HECTD4: variants seen among roughly 807,000 people sequenced by gnomAD.
HECTD4 encodes HECT domain E3 ubiquitin protein ligase 4.
In HECTD4, 114 loss-of-function variants were observed where a neutral mutation model predicts 471.5. The ratio of observed to expected loss-of-function variants is 0.24; its 90% CI spans 0.21 to 0.28. The LOEUF is 0.28. HECTD4 is among the 10% of genes least tolerant of loss of function. HECTD4 has a pLI of 1.00. For synonymous variants in HECTD4, 2,012 were observed against 2,256.0 expected, an observed-to-expected ratio of 0.89 and a Z score of 3.07; for missense variants, 3,866 against 5,651.5, an observed-to-expected ratio of 0.68 and a Z score of 10.13.
At chr12:112,342,052 T>A (rs560897849) in intron 1 of HECTD4, among the ~76,000 whole-genome samples, 3 of 152,256 alleles carry the variant, frequency 2.0e-5, no homozygotes, top group African/African-American at 7.2e-5. Flanking sequence ...CTTTTTGATA[T>A]ATGAAATGAT....
In HECTD4 at chr12:112,167,764, C is replaced by T. The variant is rs570585648; in HGVS notation, c.12312+50G>A. The stretch of plus-strand genomic sequence containing the variant: ...ACACTGCCCGCCACCCCAGCCACTG[C>T]GCAGGACATGAGCTCGGGGGCGTGG... On this transcript the variant is annotated intron_variant, in intron 71 of 75. Coordinates refer to ENST00000682272, the MANE Select transcript of HECTD4 (RefSeq NM_001388303.1). 282 of 1,500,100 alleles carry T rather than the reference C, an allele frequency of 1.9e-4. 1 individual carries two copies. In the Admixed American group the frequency reaches 3.2e-3, roughly 17 times the overall value. 92.9% of individuals were successfully genotyped at this position (1,500,100 alleles called of 1,614,324 possible). A position where few individuals can be genotyped will look rare whatever the true frequency, so the allele number is the denominator to read the frequency against.
intron 7 of HECTD4, among the ~76,000 whole-genome samples, chr12:112,295,158 A>G (rs185988165): frequency 1.5e-5 from 2 of 132,426 alleles, no homozygotes; most frequent in African/African-American, 3.2e-5. Flanking sequence ...AAGAGAGAGA[A>G]ACAAAAATCC....
intron 39 of HECTD4, chr12:112,231,049 AT>A (rs2033366278): frequency 2.0e-6 from 1 of 511,876 alleles, no homozygotes; most frequent in South Asian, 3.0e-5. Flanking sequence ...CTCAAACTTT[AT>A]TTATAAGCCA....
At chr12:112,206,954 T>A (rs2032604873) in intron 52 of HECTD4, among the ~76,000 whole-genome samples, 1 of 152,128 alleles carries the variant, frequency 6.6e-6, no homozygotes, top group Non-Finnish European at 1.5e-5. Flanking sequence ...TTTAAAAGGG[T>A]GCTGTGATTA....
At chr12:112,283,944 T>C (rs1245912407) in intron 7 of HECTD4, among the ~76,000 whole-genome samples, 1 of 151,666 alleles carries the variant, frequency 6.6e-6, no homozygotes. Flanking sequence ...CACCTGGTTT[T>C]CTTCTTTCTT....
rs751226735 is a variant in HECTD4, at chr12:112,185,078, CGAG to C, written c.9885_9887del (p.Ser3298del). The stretch of plus-strand genomic sequence containing the variant: ...TCTGTGGGGTCTGTCCTGGGGAGGA[CGAG>C]GAGGAGGAGGACGAGTCACTGAGAT... On this transcript the variant is annotated inframe_deletion, in exon 61 of 76. Transcript: ENST00000682272. The C allele has an allele frequency of 3.5e-5, 55 of 1,579,616 alleles. No individual in the cohort carries two copies. The highest frequency in any genetic ancestry group is 9.3e-5 in the Admixed American group (5 of 53,942).
chr12:112,165,687 C>A (rs2030924581), intron 72 of HECTD4, among the ~76,000 whole-genome samples: 1 of 152,188 alleles, frequency 6.6e-6, no homozygotes, highest in Non-Finnish European at 1.5e-5. Flanking sequence ...TTTTCTAAAG[C>A]TTGTTGGAGT....
intron 55 of HECTD4, among the ~76,000 whole-genome samples, chr12:112,200,407 G>A (rs985356169): frequency 6.6e-6 from 1 of 152,100 alleles, no homozygotes; most frequent in African/African-American, 2.4e-5. Flanking sequence ...GCCCACCTGG[G>A]CCTCCCAAAG....
At chr12:112,174,557 G>A (rs909040085) in intron 66 of HECTD4, among the ~76,000 whole-genome samples, 8 of 151,432 alleles carry the variant, frequency 5.3e-5, no homozygotes, top group African/African-American at 1.9e-4. Context: ...CTCAGCCTTG[G>A]TAGCCATTTT....
chr12:112,187,374 A>AATGTATGT, intron 60 of HECTD4, among the ~76,000 whole-genome samples: 1 of 151,988 alleles, frequency 6.6e-6, no homozygotes, highest in Non-Finnish European at 1.5e-5. Context: ...ATTTTCTTTG[A>AATGTATGT]ATGTATGTAT....
chr12:112,362,808 C>T (rs2036477641), intron 1 of HECTD4, among the ~76,000 whole-genome samples: 1 of 151,802 alleles, frequency 6.6e-6, no homozygotes, highest in South Asian at 2.1e-4. Context: ...CTCAATCAGT[C>T]CTCCTGCCTG....
chr12:112,178,839 C>G (rs550464713), intron 64 of HECTD4, 92 bp downstream of exon 64: 1 of 1,412,592 alleles, frequency 7.1e-7, no homozygotes, highest in East Asian at 2.4e-5. Context: ...CCAGGCTCCT[C>G]CAGAGGAGCT....
chr12:112,311,681 C>T (rs929431683), intron 4 of HECTD4, among the ~76,000 whole-genome samples: 1 of 151,328 alleles, frequency 6.6e-6, no homozygotes, highest in Non-Finnish European at 1.5e-5. Flanking sequence ...AAAACCATTT[C>T]TCCCTAGATG....
At chr12:112,207,073 G>A (rs1240969595) in intron 52 of HECTD4, among the ~76,000 whole-genome samples, 1 of 152,080 alleles carries the variant, frequency 6.6e-6, no homozygotes, top group Non-Finnish European at 1.5e-5. Context: ...GGAACAGTGG[G>A]TATGAGAAAA....
chr12:112,187,622 C>CTTTTTTT (rs150976845), intron 60 of HECTD4, among the ~76,000 whole-genome samples: 1 of 85,964 alleles, frequency 1.2e-5, no homozygotes, highest in Non-Finnish European at 2.1e-5. Flanking sequence ...GTTTCCTTTC[C>CTTTTTTT]TTTTTTTTTT....
chr12:112,368,239 A>G (rs189529108), intron 1 of HECTD4, among the ~76,000 whole-genome samples: 1 of 152,350 alleles, frequency 6.6e-6, no homozygotes, highest in Admixed American at 6.5e-5. Flanking sequence ...ATCATGGAAC[A>G]TTAATTATTC....
At chr12:112,203,905 G>A (rs1343631827) in intron 53 of HECTD4, 133 bp from the exon 54 acceptor site, 1 of 502,226 alleles carries the variant, frequency 2.0e-6, no homozygotes, top group African/African-American at 2.0e-5. Flanking sequence ...AGCTCTACGG[G>A]CTTTAACAGA....
chr12:112,184,257 A>T lies in HECTD4; in HGVS notation c.10709T>A (p.Met3570Lys), dbSNP rs1165411082. Residue 3570 changes from methionine (M) to lysine (K), a missense_variant, in exon 61 of 76, where the codon ATG (methionine) becomes AAG (lysine). Coordinates refer to ENST00000682272, the MANE Select transcript of HECTD4 (RefSeq NM_001388303.1). This position sits in a 1 kb window ranked among gnomAD's most constrained non-coding sequence, Gnocchi z 9.1. ...ETASVSDMGS[M>K]YTVTSLDNQP... ...GTTGTCCAGGGAAGTGACTGTGTAC[A>T]TGGAGCCCATGTCCGACACCGAGGC... 4.3e-6 allele frequency: 7 copies of T among 1,613,582 alleles called. No homozygotes were observed. Among genetic ancestry groups the T allele is most frequent in the Non-Finnish European group, 5.1e-6 (6 of 1,179,882 alleles).
intron 1 of HECTD4, among the ~76,000 whole-genome samples, chr12:112,320,060 C>A (rs561974553): frequency 6.6e-6 from 1 of 152,014 alleles, no homozygotes; most frequent in Non-Finnish European, 1.5e-5. Flanking sequence ...TAAAGCCAGG[C>A]GTGGTGGCTC....
Sources: allele counts gnomAD v4.1 joint callset (sites outside exome capture counted in the v4.1 genomes callset), GRCh38; gene constraint gnomAD v4.1.1; non-coding constraint Gnocchi (gnomAD v3.1); transcripts MANE v1.5; gene names NCBI Gene and HGNC (gene_info 2026-07-23, HGNC 2026-07-21).